Variants in RAB22A observed in about 807,000 individuals in gnomAD.
RAB22A encodes RAB22A, member RAS oncogene family, also known as ras-related protein Rab-22A.
In RAB22A, 13 loss-of-function variants were observed where a neutral mutation model predicts 30.2. That is an observed-to-expected ratio of 0.43 (90% CI 0.28 to 0.68). The LOEUF is 0.68. RAB22A is among the 30% of genes least tolerant of loss of function. The probability of loss-of-function intolerance (pLI) is 0.18; values close to 1 mark genes in which losing one functional copy is unlikely to be tolerated. For synonymous variants in RAB22A, 89 were observed against 87.2 expected, an observed-to-expected ratio of 1.02 and a Z score of -0.11; for missense variants, 177 against 246.8, an observed-to-expected ratio of 0.72 and a Z score of 1.89.
chr20:58,317,776 G>A (rs1986373818), intron 2 of RAB22A, among the ~76,000 whole-genome samples: 1 of 151,268 alleles, frequency 6.6e-6, no homozygotes, highest in African/African-American at 2.4e-5. Flanking sequence ...TTGATCTCCT[G>A]ACCTCGTGAT....
chr20:58,325,662 T>G (rs993433911), intron 2 of RAB22A, among the ~76,000 whole-genome samples: 1 of 152,246 alleles, frequency 6.6e-6, no homozygotes, highest in Non-Finnish European at 1.5e-5. Context: ...GTTAACTTTT[T>G]GTTAATGATT....
intron 2 of RAB22A, among the ~76,000 whole-genome samples, chr20:58,315,526 C>T (rs551875804): frequency 2.7e-5 from 4 of 150,544 alleles, no homozygotes; most frequent in African/African-American, 4.9e-5. Flanking sequence ...AGAATATCTG[C>T]GCAAGTGACA....
chr20:58,350,279 A>G (rs1987024467), intron 3 of RAB22A, among the ~76,000 whole-genome samples: 1 of 152,374 alleles, frequency 6.6e-6, no homozygotes, highest in African/African-American at 2.4e-5. Flanking sequence ...GTAGAAAAAT[A>G]TGGACAGAGT....
intron 2 of RAB22A, among the ~76,000 whole-genome samples, chr20:58,311,898 G>C (rs955748231): frequency 6.6e-6 from 1 of 152,178 alleles, no homozygotes; most frequent in Non-Finnish European, 1.5e-5. Context: ...TACAGCCCAG[G>C]AGAGAAACTG....
At chr20:58,341,466 CTGGTGGTGTGGGCAAGTGA>C (rs2122957260) in intron 2 of RAB22A, among the ~76,000 whole-genome samples, 1 of 152,170 alleles carries the variant, frequency 6.6e-6, no homozygotes, top group South Asian at 2.1e-4. Flanking sequence ...GGCTAGAGAA[CTGGTGGTGTGGGCAAGTGA>C]TGCTGGTGAT....
chr20:58,349,320 G>A (rs1395955392), intron 3 of RAB22A, among the ~76,000 whole-genome samples: 1 of 152,224 alleles, frequency 6.6e-6, no homozygotes, highest in Non-Finnish European at 1.5e-5. Flanking sequence ...CCCAGTTCGA[G>A]TGGCACAGGG....
At chr20:58,348,535 G>T (rs866275545) in intron 3 of RAB22A, among the ~76,000 whole-genome samples, 7 of 152,056 alleles carry the variant, frequency 4.6e-5, no homozygotes, top group African/African-American at 1.4e-4. Flanking sequence ...GAGACAAGAA[G>T]ACCTGACTCC....
At chr20:58,344,642 G>T (rs899708205) in intron 3 of RAB22A, among the ~76,000 whole-genome samples, 1 of 152,194 alleles carries the variant, frequency 6.6e-6, no homozygotes, top group Non-Finnish European at 1.5e-5. Flanking sequence ...TAGATGCATG[G>T]TGCTATCTTA....
chr20:58,328,561 C>A (rs767625508), intron 2 of RAB22A, among the ~76,000 whole-genome samples: 1 of 152,098 alleles, frequency 6.6e-6, no homozygotes, highest in African/African-American at 2.4e-5. Flanking sequence ...TACTGTATTT[C>A]CCGCCGCCCC....
At chr20:58,357,401 A>G (rs1008334448) in intron 6 of RAB22A, among the ~76,000 whole-genome samples, 1 of 152,098 alleles carries the variant, frequency 6.6e-6, no homozygotes, top group Admixed American at 6.5e-5. Flanking sequence ...CTTCTACTGT[A>G]TGGCTTGCCT....
At position 58,364,836 on chromosome 20, in the gene RAB22A, G is replaced by A. The variant is rs938614937; in HGVS notation, c.*5133G>A. 1 of 151,222 alleles carries A rather than the reference G, an allele frequency of 6.6e-6. No individual in the cohort carries two copies. The highest frequency in any genetic ancestry group is 1.5e-5 in the Non-Finnish European group (1 of 67,972). 9.4% of individuals were successfully genotyped at this position (151,222 alleles called of 1,614,324 possible). A position where few individuals can be genotyped will look rare whatever the true frequency, so the allele number is the denominator to read the frequency against. ...ACTGCAACCTGTCTCCTGGGTTCAA[G>A]CAGTTCTCCTGCCTCAGCCTCCTGA... On this transcript the variant is annotated 3_prime_UTR_variant, in exon 7 of 7. Coordinates refer to ENST00000244040, the MANE Select transcript of RAB22A (RefSeq NM_020673.3).
At chr20:58,314,118 G>A (rs563741150) in intron 2 of RAB22A, among the ~76,000 whole-genome samples, 11 of 150,346 alleles carry the variant, frequency 7.3e-5, no homozygotes, top group South Asian at 4.2e-4. Flanking sequence ...ACACGATCTC[G>A]GCTCACTGCA....
intron 2 of RAB22A, among the ~76,000 whole-genome samples, chr20:58,322,993 C>A (rs1986489347): frequency 6.6e-6 from 1 of 152,226 alleles, no homozygotes; most frequent in Admixed American, 6.5e-5. Context: ...TTTTCACTCA[C>A]ACCAACACGC....
chr20:58,356,508 A>G (rs1004937834), intron 6 of RAB22A, among the ~76,000 whole-genome samples: 3 of 152,334 alleles, frequency 2.0e-5, no homozygotes, highest in East Asian at 3.9e-4. Context: ...TGCCTGGCAC[A>G]CTGACTTTGT....
rs947396583 is a variant in RAB22A at position 58,309,789 on chromosome 20, A to G, written c.-188A>G. 1.0e-4 allele frequency: 44 copies of G among 422,600 alleles called. No individual in the cohort carries two copies. The highest frequency in any genetic ancestry group is 1.6e-4 in the Non-Finnish European group (41 of 262,534). 26.2% of individuals were successfully genotyped at this position (422,600 alleles called of 1,614,324 possible). On this transcript the variant is annotated 5_prime_UTR_variant, in exon 1 of 7. The change abolishes the stop of an existing upstream ORF in the 5' untranslated region. Transcript: ENST00000244040. ...GGCCGCGGCGGCGTCCCGGCTGCTAAGGCGGGCCCCACGCGGCTGGCAGCG... is the reference window on the plus strand; with the variant it reads ...GGCCGCGGCGGCGTCCCGGCTGCTAGGGCGGGCCCCACGCGGCTGGCAGCG...
At chr20:58,351,000 A>G (rs937309960) in intron 3 of RAB22A, among the ~76,000 whole-genome samples, 2 of 152,202 alleles carry the variant, frequency 1.3e-5, no homozygotes, top group Non-Finnish European at 2.9e-5. Context: ...CAAGTCTCTG[A>G]TATTTTACAT....
At chr20:58,324,568 C>T (rs986434277) in intron 2 of RAB22A, among the ~76,000 whole-genome samples, 3 of 152,096 alleles carry the variant, frequency 2.0e-5, no homozygotes, top group African/African-American at 7.2e-5. Flanking sequence ...GGTTGTATTC[C>T]TTGTATCTTA....
intron 3 of RAB22A, among the ~76,000 whole-genome samples, chr20:58,351,603 C>T (rs1232785255): frequency 1.3e-5 from 2 of 152,170 alleles, no homozygotes; most frequent in African/African-American, 2.4e-5. Flanking sequence ...CACCTGAAGT[C>T]GGGATTTCAA....
At chr20:58,317,021 A>G (rs536844) in intron 2 of RAB22A, among the ~76,000 whole-genome samples, 81,009 of 152,036 alleles carry the variant, frequency 0.53, 22,984 homozygotes, top group African/African-American at 0.73. Flanking sequence ...CTTCATGGAG[A>G]TGAGACATGG....
Sources: allele counts gnomAD v4.1 joint callset (sites outside exome capture counted in the v4.1 genomes callset), GRCh38; gene constraint gnomAD v4.1.1; transcripts MANE v1.5; gene names NCBI Gene and HGNC (gene_info 2026-07-23, HGNC 2026-07-21).